Variants in AP2M1 observed in about 807,000 individuals in gnomAD.
The protein encoded by AP2M1 is adaptor related protein complex 2 subunit mu 1.
In AP2M1, 5 loss-of-function variants were observed where a neutral mutation model predicts 54.5. That is an observed-to-expected ratio of 0.09 (90% CI 0.05 to 0.19). The LOEUF is 0.19. AP2M1 is among the 10% of genes least tolerant of loss of function. The pLI is 1.00. For synonymous variants in AP2M1, 186 were observed against 208.2 expected, an observed-to-expected ratio of 0.89 and a Z score of 0.92; for missense variants, 178 against 580.2, an observed-to-expected ratio of 0.31 and a Z score of 7.12.
chr3:184,183,610 C>A lies in AP2M1; in HGVS notation c.1302C>A (p.Arg434=), dbSNP rs562412147. The A allele has an allele frequency of 6.2e-7, 1 of 1,612,804 alleles. No homozygotes were observed. The highest frequency in any genetic ancestry group is 1.3e-5 in the African/African-American group (1 of 75,024). ...GCCGCAGTGGCATTTATGAAACTCG[C>A]TGCTAGCTGCCACTAGGCAGCTAGC... ...YIGRSGIYET[R]C The change falls in exon 12 of 12, where the codon CGC becomes CGA. Residue 434 remains arginine, a synonymous_variant. Transcript: ENST00000292807. The surrounding 1 kb of genome is among the most constrained non-coding windows in gnomAD (Gnocchi z 5.7).
chr3:184,179,687 G>T (rs1423182895), intron 3 of AP2M1, among the ~76,000 whole-genome samples: 2 of 145,948 alleles, frequency 1.4e-5, no homozygotes, highest in Non-Finnish European at 3.0e-5. Context: ...TTGAGACAGG[G>T]TCTTGCTCTT....
intron 1 of AP2M1, chr3:184,175,185 C>T: frequency 2.5e-6 from 1 of 392,248 alleles, no homozygotes; most frequent in Non-Finnish European, 4.5e-6. Flanking sequence ...CGCCTGGCGC[C>T]TCCCATGAGA....
Position 184,177,443 on chromosome 3 carries a change from A to G in AP2M1, c.74+376A>G, listed in dbSNP as rs972515247. The stretch of plus-strand genomic sequence containing the variant: ...CCACGCTGGAGGCACTAATCCATCT[A>G]AGCCTTGCTCTCAGAAGCCCTTCCC... On this transcript the variant is annotated intron_variant, in intron 2 of 11. Transcript: ENST00000292807. 4.3e-6 allele frequency: 5 copies of G among 1,150,738 alleles called. No individual in the cohort carries two copies. In the African/African-American group the frequency reaches 7.7e-5, roughly 18 times the overall value. The allele number at this position is 1,150,738 out of a possible 1,614,324, so 71.3% of individuals were successfully genotyped here.
At position 184,180,525 on chromosome 3, in the gene AP2M1, T is replaced by C; in HGVS notation, c.424-120T>C. The stretch of plus-strand genomic sequence containing the variant: ...GGAGGCCTGGTCTTGAGGCCTGGTA[T>C]TCCTCAGGAGGAGCGAGCTTGGGCC... On this transcript the variant is annotated intron_variant, in intron 4 of 11. Transcript: ENST00000292807. The surrounding 1 kb of genome is among the most constrained non-coding windows in gnomAD (Gnocchi z 4.9). 1 of 1,498,064 alleles carries C rather than the reference T, an allele frequency of 6.7e-7. No homozygotes were observed. Among genetic ancestry groups the C allele is most frequent in the Non-Finnish European group, 9.2e-7 (1 of 1,091,396 alleles). The allele number at this position is 1,498,064 out of a possible 1,614,324, so 92.8% of individuals were successfully genotyped here.
At chr3:184,177,595 G>A (rs1317974768) in intron 2 of AP2M1, 3 of 1,535,930 alleles carry the variant, frequency 2.0e-6, no homozygotes, top group East Asian at 2.4e-5. Flanking sequence ...CCCATTCCCT[G>A]GGGAGTGGCT....
chr3:184,182,664 A>C lies in AP2M1; in HGVS notation c.1062-93A>C. 1 of 1,079,882 alleles carries C rather than the reference A, an allele frequency of 9.3e-7. No individual in the cohort carries two copies. Among genetic ancestry groups the C allele is most frequent in the Non-Finnish European group, 1.4e-6 (1 of 729,452 alleles). The allele number at this position is 1,079,882 out of a possible 1,614,324, so 66.9% of individuals were successfully genotyped here. A position where few individuals can be genotyped will look rare whatever the true frequency, so the allele number is the denominator to read the frequency against. On this transcript the variant is annotated intron_variant, in intron 10 of 11. Coordinates refer to ENST00000292807, the MANE Select transcript of AP2M1 (RefSeq NM_004068.4). This position sits in a 1 kb window ranked among gnomAD's most constrained non-coding sequence, Gnocchi z 5.5. ...TTCTCCTTGTTCTGGCACCTCCTGC[A>C]AGCTCCTGGGCTCTCTCCTTGCTTG...
At position 184,180,632 on chromosome 3, in the gene AP2M1, C is replaced by T; in HGVS notation, c.424-13C>T. ...GCTTCATGTGGGCACCTCGTTGGCC[C>T]TGCGGCCTCCAGCATCAGGTAAGCT... is the stretch of plus-strand genomic sequence containing the variant. On this transcript the variant is annotated splice_polypyrimidine_tract_variant and intron_variant, in intron 4 of 11. Coordinates refer to ENST00000292807, the MANE Select transcript of AP2M1 (RefSeq NM_004068.4). This position sits in a 1 kb window ranked among gnomAD's most constrained non-coding sequence, Gnocchi z 4.9. 1 of 1,614,072 alleles carries T rather than the reference C, an allele frequency of 6.2e-7. No individual in the cohort carries two copies. The highest frequency in any genetic ancestry group is 8.5e-7 in the Non-Finnish European group (1 of 1,180,050).
intron 1 of AP2M1, among the ~76,000 whole-genome samples, chr3:184,176,591 G>T (rs554573756): frequency 6.6e-6 from 1 of 152,192 alleles, no homozygotes; most frequent in Non-Finnish European, 1.5e-5. Flanking sequence ...AGGCAGGCAA[G>T]CCTTAGTGAG....
rs966758137 is a variant in AP2M1 at position 184,181,569 on chromosome 3, C to G, written c.708-127C>G. On this transcript the variant is annotated intron_variant, in intron 7 of 11. Coordinates refer to ENST00000292807, the MANE Select transcript of AP2M1 (RefSeq NM_004068.4). The surrounding 1 kb of genome is among the most constrained non-coding windows in gnomAD (Gnocchi z 5.7). ...CATCCCAAGCTCTGGGGCAGACCTCCGAGTCACAAAGCTGCATTCTAGCAG... is the reference window on the plus strand; with the variant it reads ...CATCCCAAGCTCTGGGGCAGACCTCGGAGTCACAAAGCTGCATTCTAGCAG... 35 of 1,329,046 alleles carry G rather than the reference C, an allele frequency of 2.6e-5. No individual in the cohort carries two copies. The highest frequency in any genetic ancestry group is 3.5e-5 in the Non-Finnish European group (34 of 959,914). The allele number at this position is 1,329,046 out of a possible 1,614,324, so 82.3% of individuals were successfully genotyped here.
rs758422622 is a variant in AP2M1, at chr3:184,180,182, T to C, written c.354T>C (p.Phe118=). The part of the protein sequence containing the change: ...IYELLDEILD[F]GYPQNSETGA... ...TTCTTTTTGCAGAGATTCTAGACTT[T>C]GGCTACCCACAGAATTCCGAGACAG... The change falls in exon 4 of 12, where the codon TTT becomes TTC. Residue 118 remains phenylalanine, a synonymous_variant. Transcript: ENST00000292807. The surrounding 1 kb of genome is among the most constrained non-coding windows in gnomAD (Gnocchi z 4.9). 1.2e-5 allele frequency: 19 copies of C among 1,614,206 alleles called. No individual in the cohort carries two copies. The highest frequency in any genetic ancestry group is 1.5e-5 in the Non-Finnish European group (18 of 1,180,038).
At chr3:184,176,857 G>C in intron 1 of AP2M1, 94 bp from the exon 2 acceptor site, 1 of 841,672 alleles carries the variant, frequency 1.2e-6, no homozygotes, top group Non-Finnish European at 1.8e-6. Context: ...AAAGGGTTGA[G>C]TCAGGAAAGA....
At position 184,178,866 on chromosome 3, in the gene AP2M1, A is replaced by C. The variant is rs1346365411; in HGVS notation, c.84A>C (p.Ala28=). The C allele has an allele frequency of 6.2e-7, 1 of 1,613,898 alleles. No individual in the cohort carries two copies. The highest frequency in any genetic ancestry group is 8.5e-7 in the Non-Finnish European group (1 of 1,179,992). ...CACTCTTTTCCCTCAGGAGGAACGC[A>C]GTGGATGCCTTTCGGGTCAATGTTA... ...RVYRDDIGRN[A]VDAFRVNVIH... The change falls in exon 3 of 12, where the codon GCA becomes GCC. Residue 28 remains alanine (A), a synonymous_variant. Transcript: ENST00000292807. This position sits in a 1 kb window ranked among gnomAD's most constrained non-coding sequence, Gnocchi z 4.9.
At chr3:184,176,386 C>A (rs1457442104) in intron 1 of AP2M1, among the ~76,000 whole-genome samples, 1 of 152,212 alleles carries the variant, frequency 6.6e-6, no homozygotes, top group Non-Finnish European at 1.5e-5. Context: ...GGCCTAAGGG[C>A]TCCCTTCTCT....
At position 184,182,129 on chromosome 3, in the gene AP2M1, C is replaced by G; in HGVS notation, c.964-22C>G. ...TGATGTCACAGCTTGACAGAGCTCC[C>G]TGACAGGTGTGTCACTTCTAGGTGA... On this transcript the variant is annotated intron_variant, in intron 9 of 11. Coordinates refer to ENST00000292807, the MANE Select transcript of AP2M1 (RefSeq NM_004068.4). This position sits in a 1 kb window ranked among gnomAD's most constrained non-coding sequence, Gnocchi z 5.5. 1 of 1,613,246 alleles carries G rather than the reference C, an allele frequency of 6.2e-7. No individual in the cohort carries two copies. Among genetic ancestry groups the G allele is most frequent in the Non-Finnish European group, 8.5e-7 (1 of 1,179,516 alleles).
At position 184,181,360 on chromosome 3, in the gene AP2M1, GT is replaced by G. The variant is rs1460896629; in HGVS notation, c.707+136del. 1 of 1,347,316 alleles carries G rather than the reference GT, an allele frequency of 7.4e-7. No homozygotes were observed. Among genetic ancestry groups the G allele is most frequent in the East Asian group, 2.4e-5 (1 of 42,546 alleles). 83.5% of individuals were successfully genotyped at this position (1,347,316 alleles called of 1,614,324 possible). A position where few individuals can be genotyped will look rare whatever the true frequency, so the allele number is the denominator to read the frequency against. On this transcript the variant is annotated intron_variant, in intron 7 of 11. Coordinates refer to ENST00000292807, the MANE Select transcript of AP2M1 (RefSeq NM_004068.4). This position sits in a 1 kb window ranked among gnomAD's most constrained non-coding sequence, Gnocchi z 5.7. ...TCTGTTCCTGACGGTAAGCCTGGCTGTTCGCTCTTGACATTAGTGCTACGAG... is the reference window on the plus strand; with the variant it reads ...TCTGTTCCTGACGGTAAGCCTGGCTGTCGCTCTTGACATTAGTGCTACGAG...
Position 184,181,515 on chromosome 3 carries a change from C to G in AP2M1, c.708-181C>G. ...CCCAGGTCCCTAGCAGAAGGAGCCC[C>G]AAGAGATGAGCTTGCAAGGCTTCCC... is the stretch of plus-strand genomic sequence containing the variant. On this transcript the variant is annotated intron_variant, in intron 7 of 11. Transcript: ENST00000292807. The surrounding 1 kb of genome is among the most constrained non-coding windows in gnomAD (Gnocchi z 5.7). 1.1e-6 allele frequency: 1 copy of G among 924,422 alleles called. No homozygotes were observed. 57.3% of individuals were successfully genotyped at this position (924,422 alleles called of 1,614,324 possible).
intron 1 of AP2M1, among the ~76,000 whole-genome samples, chr3:184,175,631 T>G (rs939926382): frequency 2.6e-5 from 4 of 151,332 alleles, no homozygotes; most frequent in African/African-American, 7.3e-5. Context: ...TTACGTTCAC[T>G]CCACCAGCCC....
chr3:184,183,832 C>T lies in AP2M1; in HGVS notation c.*216C>T. On this transcript the variant is annotated 3_prime_UTR_variant, in exon 12 of 12. Coordinates refer to ENST00000292807, the MANE Select transcript of AP2M1 (RefSeq NM_004068.4). This position sits in a 1 kb window ranked among gnomAD's most constrained non-coding sequence, Gnocchi z 5.7. ...GCAGGGGAGTTCTGAGGCTCCTGCTCTCCCATCCACCTGTCTGTCCTGGCC... is the reference window on the plus strand; with the variant it reads ...GCAGGGGAGTTCTGAGGCTCCTGCTTTCCCATCCACCTGTCTGTCCTGGCC... 1.8e-6 allele frequency: 1 copy of T among 547,818 alleles called. No individual in the cohort carries two copies. Among genetic ancestry groups the T allele is most frequent in the Non-Finnish European group, 3.3e-6 (1 of 307,100 alleles). 33.9% of individuals were successfully genotyped at this position (547,818 alleles called of 1,614,324 possible).
Position 184,178,351 on chromosome 3 carries a change from A to C in AP2M1, c.75-506A>C, listed in dbSNP as rs1715156570. 1 of 1,212,810 alleles carries C rather than the reference A, an allele frequency of 8.2e-7. No individual in the cohort carries two copies. 75.1% of individuals were successfully genotyped at this position (1,212,810 alleles called of 1,614,324 possible). On this transcript the variant is annotated intron_variant, in intron 2 of 11. Coordinates refer to ENST00000292807, the MANE Select transcript of AP2M1 (RefSeq NM_004068.4). The surrounding 1 kb of genome is among the most constrained non-coding windows in gnomAD (Gnocchi z 4.9). ...GATCCTGGGCAAGAATGGGTAGCAC[A>C]ATTCCATGGCCCCTTGGTACTTCTC... is the stretch of plus-strand genomic sequence containing the variant.
Sources: gnomAD v4.1 joint callset for allele counts (sites outside exome capture counted in the v4.1 genomes callset) on GRCh38, gnomAD v4.1.1 for gene constraint, Gnocchi (gnomAD v3.1) non-coding constraint, MANE v1.5 for transcripts, NCBI Gene and HGNC (gene_info 2026-07-23, HGNC 2026-07-21) for gene names.